ABHD2: variants seen among roughly 807,000 people sequenced by gnomAD.
ABHD2 encodes monoacylglycerol lipase ABHD2.
In ABHD2, 20 loss-of-function variants were observed where a neutral mutation model predicts 48.1. The ratio of observed to expected loss-of-function variants is 0.42; its 90% CI spans 0.29 to 0.60. ABHD2 has a LOEUF of 0.60. Ranked by LOEUF, ABHD2 falls within the 20% of genes least tolerant of loss-of-function variation. The probability of loss-of-function intolerance (pLI) is 0.24; values close to 1 mark genes in which losing one functional copy is unlikely to be tolerated. For synonymous variants in ABHD2, 209 were observed against 214.2 expected, an observed-to-expected ratio of 0.98 and a Z score of 0.21; for missense variants, 405 against 550.9, an observed-to-expected ratio of 0.74 and a Z score of 2.65.
Position 89,175,938 on chromosome 15 carries a change from C to G in ABHD2, c.665C>G (p.Ala222Gly), listed in dbSNP as rs1209430757. 1.3e-5 allele frequency: 21 copies of G among 1,613,914 alleles called. No individual in the cohort carries two copies. Among genetic ancestry groups the G allele is most frequent in the Non-Finnish European group, 1.6e-5 (19 of 1,179,972 alleles). ...TGCAAATACTTGGGGGAGACTCAGG[C>G]AAACCAAGAGAAGGTCCTGTGCTGC... ...IVCKYLGETQ[A>G]NQEKVLCCVS... Residue 222 changes from alanine to glycine, a missense_variant, in exon 6 of 11, where the codon GCA (alanine) becomes GGA (glycine). Coordinates refer to ENST00000352732, the MANE Select transcript of ABHD2 (RefSeq NM_152924.5). The surrounding 1 kb of genome is among the most constrained non-coding windows in gnomAD (Gnocchi z 5.7).
rs2051435510 is a variant in ABHD2 at position 89,198,340 on chromosome 15, C to T, written c.*2917C>T. 1 of 152,144 alleles carries T rather than the reference C, an allele frequency of 6.6e-6. No homozygotes were observed. The highest frequency in any genetic ancestry group is 6.6e-5 in the Admixed American group (1 of 15,262). The allele number at this position is 152,144 out of a possible 1,614,324, so 9.4% of individuals were successfully genotyped here. ...GTGTCTCATAAGCAATTTGAAGACA[C>T]TTACAAGTAACTGATTCCAGTCAAA... is the stretch of plus-strand genomic sequence containing the variant. On this transcript the variant is annotated 3_prime_UTR_variant, in exon 11 of 11. Coordinates refer to ENST00000352732, the MANE Select transcript of ABHD2 (RefSeq NM_152924.5). This position sits in a 1 kb window ranked among gnomAD's most constrained non-coding sequence, Gnocchi z 5.1.
chr15:89,132,056 A>G (rs931725847), intron 3 of ABHD2, among the ~76,000 whole-genome samples: 1 of 152,242 alleles, frequency 6.6e-6, no homozygotes, highest in Non-Finnish European at 1.5e-5. Flanking sequence ...CATGAAAAAA[A>G]AATTCAAGAA....
the ABHD2 span, among the ~76,000 whole-genome samples, chr15:89,066,780 A>G: frequency 5.9e-5 from 9 of 152,312 alleles, no homozygotes; most frequent in East Asian, 1.7e-3. Flanking sequence ...CAAGAGAGCC[A>G]CGGGCCAGCC....
At chr15:89,056,058 G>A in the ABHD2 span, among the ~76,000 whole-genome samples, 2 of 151,966 alleles carry the variant, frequency 1.3e-5, no homozygotes, top group African/African-American at 4.8e-5. Flanking sequence ...TGCCTATGTT[G>A]CACAGGCTGG....
In ABHD2 at chr15:89,092,122, T is replaced by A. The variant is rs1901620038; in HGVS notation, c.-107+3559T>A. Among the ~76,000 whole-genome samples, 1 of 152,342 alleles carries A rather than the reference T, an allele frequency of 6.6e-6. No homozygotes were observed. Among genetic ancestry groups the A allele is most frequent in the South Asian group, 2.1e-4 (1 of 4,828 alleles). ...CAGGGCATCATATTTTTGGATTGAA[T>A]GTTTTCTGTTTGTAAAATGGTTGGT... On this transcript the variant is annotated intron_variant, in intron 1 of 10. Coordinates refer to ENST00000352732, the MANE Select transcript of ABHD2 (RefSeq NM_152924.5). The surrounding 1 kb of genome is among the most constrained non-coding windows in gnomAD (Gnocchi z 4.4).
rs528599782 is a variant in ABHD2, at chr15:89,109,485, G to A, written c.-106-4240G>A. ...GGGTTTGGGGTGGGGGTAGGGAGAC[G>A]CTTCCTTTCCATCTGCGACATACCC... On this transcript the variant is annotated intron_variant, in intron 1 of 10. Coordinates refer to ENST00000352732, the MANE Select transcript of ABHD2 (RefSeq NM_152924.5). Among the ~76,000 whole-genome samples, 8 of 152,112 alleles carry A rather than the reference G, an allele frequency of 5.3e-5. No individual in the cohort carries two copies. In the South Asian group the frequency reaches 1.7e-3, roughly 32 times the overall value.
chr15:89,042,338 C>G, the ABHD2 span, among the ~76,000 whole-genome samples: 1 of 152,186 alleles, frequency 6.6e-6, no homozygotes, highest in Admixed American at 6.5e-5. Flanking sequence ...CCTACTCCCT[C>G]AAACATCTTT....
chr15:89,054,859 AC>A, the ABHD2 span, among the ~76,000 whole-genome samples: 7 of 152,088 alleles, frequency 4.6e-5, no homozygotes, highest in African/African-American at 1.7e-4. Flanking sequence ...CTCTAAAAAA[AC>A]ATTTTTCTAA....
chr15:89,136,895 T>A (rs12904800), intron 3 of ABHD2, among the ~76,000 whole-genome samples: 1 of 152,146 alleles, frequency 6.6e-6, no homozygotes, highest in Admixed American at 6.6e-5. Flanking sequence ...CATTGGCATC[T>A]ATGTGCATGT....
intron 5 of ABHD2, among the ~76,000 whole-genome samples, chr15:89,161,844 G>A (rs971782581): frequency 1.3e-5 from 2 of 152,224 alleles, no homozygotes; most frequent in Admixed American, 6.5e-5. Context: ...CACAGTGGGC[G>A]TGGCTTATAC....
chr15:89,144,885 T>C (rs1237178582), intron 3 of ABHD2, among the ~76,000 whole-genome samples: 2 of 152,348 alleles, frequency 1.3e-5, no homozygotes, highest in African/African-American at 4.8e-5. Flanking sequence ...CAAAATGTGT[T>C]ACTGTGCTTT....
intron 3 of ABHD2, chr15:89,135,515 C>A (rs559394305): frequency 1.1e-5 from 12 of 1,131,794 alleles, no homozygotes; most frequent in East Asian, 2.4e-5. Context: ...GCTTTATAGA[C>A]GAGAAAAAAA....
At chr15:89,193,593 T>G (rs1251558735) in intron 10 of ABHD2, 2 of 473,908 alleles carry the variant, frequency 4.2e-6, no homozygotes, top group Non-Finnish European at 3.8e-6. Context: ...TGAGGTTCTA[T>G]GAGATTATCT....
chr15:89,053,562 T>C, the ABHD2 span, among the ~76,000 whole-genome samples: 2 of 152,112 alleles, frequency 1.3e-5, no homozygotes. Context: ...ATAGTGTTTC[T>C]TGGGGGATTT....
chr15:89,048,243 T>C, the ABHD2 span, among the ~76,000 whole-genome samples: 2 of 152,240 alleles, frequency 1.3e-5, no homozygotes, highest in South Asian at 2.1e-4. Flanking sequence ...CTCTTCTGGC[T>C]TGTAGAGTTT....
At chr15:89,044,884 G>A in the ABHD2 span, among the ~76,000 whole-genome samples, 3 of 151,268 alleles carry the variant, frequency 2.0e-5, no homozygotes, top group Non-Finnish European at 4.4e-5. Flanking sequence ...AGTTTCTTTT[G>A]CTGTTCAGAA....
Position 89,146,465 on chromosome 15 carries a change from C to T in ABHD2, c.195-5212C>T, listed in dbSNP as rs1418893927. 6.6e-6 allele frequency among the ~76,000 whole-genome samples: 1 copy of T among 151,608 alleles called. No homozygotes were observed. Among genetic ancestry groups the T allele is most frequent in the Non-Finnish European group, 1.5e-5 (1 of 67,968 alleles). Reference sequence around the variant, plus strand: ...GTGGTCTTTCCCACTGACCAATTCTCTTAGTAAGCCAGATGTCGATTATAA... The same window carrying T: ...GTGGTCTTTCCCACTGACCAATTCTTTTAGTAAGCCAGATGTCGATTATAA... On this transcript the variant is annotated intron_variant, in intron 3 of 10. Transcript: ENST00000352732. The surrounding 1 kb of genome is among the most constrained non-coding windows in gnomAD (Gnocchi z 4.2).
At chr15:89,046,290 T>C in the ABHD2 span, among the ~76,000 whole-genome samples, 2 of 152,234 alleles carry the variant, frequency 1.3e-5, no homozygotes, top group Non-Finnish European at 2.9e-5. Flanking sequence ...GCTGCTGGAT[T>C]TGGTTTGCCA....
At position 89,151,702 on chromosome 15, in the gene ABHD2, A is replaced by T. The variant is rs759104529; in HGVS notation, c.220A>T (p.Lys74Ter). 1 of 1,613,966 alleles carries T rather than the reference A, an allele frequency of 6.2e-7. No homozygotes were observed. The highest frequency in any genetic ancestry group is 1.1e-5 in the South Asian group (1 of 91,054). ...ATACATTCCACCGTTGATCTGGGGG[A>T]AAAGTGGACACATCCAGACAGCCTT... ...KEYIPPLIWGKSGHIQTALYG... is the reference protein window; with the variant it reads ...KEYIPPLIWG The change falls in exon 4 of 11, where the codon AAA becomes TAA. Residue 74 changes from lysine (K) to a stop codon, truncating the protein, a stop_gained. Coordinates refer to ENST00000352732, the MANE Select transcript of ABHD2 (RefSeq NM_152924.5). LOFTEE classifies it high-confidence loss of function. The surrounding 1 kb of genome is among the most constrained non-coding windows in gnomAD (Gnocchi z 4.7).
Sources: allele counts gnomAD v4.1 joint callset (sites outside exome capture counted in the v4.1 genomes callset), GRCh38; gene constraint gnomAD v4.1.1; non-coding constraint Gnocchi (gnomAD v3.1); transcripts MANE v1.5; gene names NCBI Gene and HGNC (gene_info 2026-07-23, HGNC 2026-07-21).